KLHL25: variants seen among roughly 807,000 people sequenced by gnomAD.
KLHL25 encodes kelch-like protein 25.
A neutral mutation model predicts 30.0 loss-of-function variants in KLHL25; 41 were observed. The observed-to-expected ratio is 1.37, with a 90% CI of 1.07 to 1.78. The LOEUF is 1.78. Among genes scored for constraint, KLHL25 ranks in the 40% most tolerant of loss-of-function variants. The probability of loss-of-function intolerance (pLI) is 0.00; values close to 1 mark genes in which losing one functional copy is unlikely to be tolerated. For synonymous variants in KLHL25, 399 were observed against 355.3 expected (o/e 1.12, Z -1.38); for missense variants, 971 against 824.5 (o/e 1.18, Z -2.18).
At chr15:85,792,942 C>T (rs2089827303) in intron 1 of KLHL25, among the ~76,000 whole-genome samples, 1 of 152,174 alleles carries the variant, frequency 6.6e-6, no homozygotes, top group Non-Finnish European at 1.5e-5. Flanking sequence ...GAGTCTCCAG[C>T]ACCTAACTCA....
chr15:85,759,534 C>T lies in KLHL25; in HGVS notation c.*1502G>A, dbSNP rs8040517. The T allele has an allele frequency of 0.13, 20,491 of 152,376 alleles. 1,792 individuals are homozygous for T. The highest frequency in any genetic ancestry group is 0.22 in the African/African-American group (9,286 of 41,508). The allele number at this position is 152,376 out of a possible 1,614,324, so 9.4% of individuals were successfully genotyped here. On this transcript the variant is annotated 3_prime_UTR_variant, in exon 3 of 3. Transcript: ENST00000337975. Reference sequence around the variant, plus strand: ...CGTCCCCTGGGACCACAGCCAAGTGCCTTCGGGCAGCTGGCCTGACACAGG... The same window carrying T: ...CGTCCCCTGGGACCACAGCCAAGTGTCTTCGGGCAGCTGGCCTGACACAGG...
chr15:85,793,309 T>A (rs1397676493), intron 1 of KLHL25, among the ~76,000 whole-genome samples: 1 of 152,156 alleles, frequency 6.6e-6, no homozygotes, highest in Admixed American at 6.5e-5. Context: ...TGTCTTCCAT[T>A]TCTACCTCCC....
intron 1 of KLHL25, among the ~76,000 whole-genome samples, chr15:85,772,287 T>C (rs1172307311): frequency 6.6e-6 from 1 of 152,212 alleles, no homozygotes; most frequent in Non-Finnish European, 1.5e-5. Flanking sequence ...TCAAGGGCCC[T>C]GATGCTGAGG....
intron 1 of KLHL25, among the ~76,000 whole-genome samples, chr15:85,775,517 C>T (rs1157034636): frequency 1.3e-5 from 2 of 152,162 alleles, no homozygotes; most frequent in African/African-American, 4.8e-5. Flanking sequence ...CATGAAAACA[C>T]ACAGCCGCAA....
intron 1 of KLHL25, among the ~76,000 whole-genome samples, chr15:85,776,467 C>T (rs766017308): frequency 1.3e-5 from 2 of 151,096 alleles, no homozygotes; most frequent in Admixed American, 6.6e-5. Flanking sequence ...CCAGCCTGGG[C>T]GACAGAGAGG....
intron 1 of KLHL25, among the ~76,000 whole-genome samples, chr15:85,775,677 TGGCAGGAAA>T (rs2089704732): frequency 6.6e-6 from 1 of 151,896 alleles, no homozygotes; most frequent in African/African-American, 2.4e-5. Context: ...CAGCAAGCAG[TGGCAGGAAA>T]GGAGATGGAA....
intron 1 of KLHL25, among the ~76,000 whole-genome samples, chr15:85,777,037 C>G (rs772584149): frequency 2.0e-5 from 3 of 152,212 alleles, no homozygotes; most frequent in Non-Finnish European, 4.4e-5. Context: ...CTGGGCAGTA[C>G]TTAAACCTCC....
chr15:85,775,516 A>T (rs1271637597), intron 1 of KLHL25, among the ~76,000 whole-genome samples: 1 of 152,138 alleles, frequency 6.6e-6, no homozygotes, highest in Non-Finnish European at 1.5e-5. Flanking sequence ...TCATGAAAAC[A>T]CACAGCCGCA....
intron 1 of KLHL25, among the ~76,000 whole-genome samples, chr15:85,777,628 C>T (rs142027607): frequency 2.6e-5 from 4 of 152,294 alleles, no homozygotes; most frequent in African/African-American, 7.2e-5. Flanking sequence ...CAGGATTGAC[C>T]GCAGAGTCCC....
In KLHL25 at chr15:85,769,698, G is replaced by A. The variant is rs776206990; in HGVS notation, c.113C>T (p.Thr38Met). 1.7e-5 allele frequency: 28 copies of A among 1,613,868 alleles called. No individual in the cohort carries two copies. Among genetic ancestry groups the A allele is most frequent in the South Asian group, 7.7e-5 (7 of 91,092 alleles). Residue 38 changes from threonine (T) to methionine (M), a missense_variant, in exon 2 of 3, where the codon ACG becomes ATG. Coordinates refer to ENST00000337975, the MANE Select transcript of KLHL25 (RefSeq NM_022480.4). ...HPDCVLAHLNTLRKHCMFTDV... is the reference protein window; with the variant it reads ...HPDCVLAHLNMLRKHCMFTDV... ...GGTGAACATGCAGTGCTTGCGAAGC[G>A]TGTTGAGGTGGGCCAGCACACAGTC...
intron 1 of KLHL25, among the ~76,000 whole-genome samples, chr15:85,787,612 C>A (rs1192070425): frequency 6.6e-6 from 1 of 152,158 alleles, no homozygotes; most frequent in African/African-American, 2.4e-5. Flanking sequence ...CACAAGATTT[C>A]ATTGATCATA....
intron 1 of KLHL25, among the ~76,000 whole-genome samples, chr15:85,785,034 T>C (rs950727857): frequency 1.9e-4 from 29 of 152,150 alleles, no homozygotes; most frequent in African/African-American, 7.0e-4. Flanking sequence ...TCACGCTTTC[T>C]GCATTTTCAA....
At chr15:85,792,610 G>A (rs983851019) in intron 1 of KLHL25, among the ~76,000 whole-genome samples, 4 of 152,140 alleles carry the variant, frequency 2.6e-5, no homozygotes, top group African/African-American at 9.7e-5. Flanking sequence ...CTGACTGTGC[G>A]GCCAGACACT....
intron 1 of KLHL25, among the ~76,000 whole-genome samples, chr15:85,791,921 C>G (rs1324625351): frequency 6.6e-6 from 1 of 152,294 alleles, no homozygotes; most frequent in East Asian, 1.9e-4. Context: ...TTCCACTGCT[C>G]CTGGGTTAAA....
At chr15:85,788,230 G>A (rs868343424) in intron 1 of KLHL25, among the ~76,000 whole-genome samples, 7 of 152,150 alleles carry the variant, frequency 4.6e-5, no homozygotes, top group African/African-American at 1.4e-4. Flanking sequence ...CGCAGCCCAC[G>A]CAGGCCCAGC....
intron 1 of KLHL25, among the ~76,000 whole-genome samples, chr15:85,781,862 G>A (rs1312303501): frequency 6.6e-6 from 1 of 152,032 alleles, no homozygotes; most frequent in Non-Finnish European, 1.5e-5. Flanking sequence ...AGGAAGCATG[G>A]GGGCCTATGC....
chr15:85,788,043 G>T (rs2089792159), intron 1 of KLHL25, among the ~76,000 whole-genome samples: 1 of 95,840 alleles, frequency 1.0e-5, no homozygotes, highest in African/African-American at 3.9e-5. Context: ...GCAATGAGAG[G>T]GAAACTAGAT....
chr15:85,765,350 G>C (rs890660628), intron 2 of KLHL25, among the ~76,000 whole-genome samples: 1 of 152,098 alleles, frequency 6.6e-6, no homozygotes, highest in Non-Finnish European at 1.5e-5. Flanking sequence ...AGAAGACCGG[G>C]CACGAAGGCT....
intron 1 of KLHL25, among the ~76,000 whole-genome samples, chr15:85,778,368 T>C (rs372729434): frequency 1.3e-3 from 198 of 152,246 alleles, no homozygotes; most frequent in Non-Finnish European, 2.5e-3. Context: ...TGTAAAAAAT[T>C]TACCGATAAG....
Sources: gnomAD v4.1 joint callset for allele counts (sites outside exome capture counted in the v4.1 genomes callset) on GRCh38, gnomAD v4.1.1 for gene constraint, MANE v1.5 for transcripts, NCBI Gene and HGNC (gene_info 2026-07-23, HGNC 2026-07-21) for gene names.